CDH19: variants seen among roughly 807,000 people sequenced by gnomAD.
The protein encoded by CDH19 is cadherin-19.
A neutral mutation model predicts 64.2 loss-of-function variants in CDH19; 67 were observed. That is an observed-to-expected ratio of 1.04 (90% CI 0.86 to 1.28). The LOEUF (loss-of-function observed/expected upper bound fraction) is 1.28, where lower values mean the gene tolerates loss of function less well. Ranked by LOEUF, CDH19 falls within the 50% of genes most tolerant of loss-of-function variation. The probability of loss-of-function intolerance (pLI) is 0.00; values close to 1 mark genes in which losing one functional copy is unlikely to be tolerated. For synonymous variants in CDH19, 346 were observed against 319.3 expected (o/e 1.08, Z -0.89); for missense variants, 1,030 against 929.0 (o/e 1.11, Z -1.41).
intron 1 of CDH19, among the ~76,000 whole-genome samples, chr18:66,585,809 A>AT (rs1319810928): frequency 6.6e-6 from 1 of 151,858 alleles, no homozygotes; most frequent in African/African-American, 2.4e-5. Context: ...GAATGTCATT[A>AT]TTTTTTTTCT....
At chr18:66,574,219 T>C (rs1243185291) in intron 1 of CDH19, among the ~76,000 whole-genome samples, 1 of 151,640 alleles carries the variant, frequency 6.6e-6, no homozygotes, top group African/African-American at 2.4e-5. Context: ...TGTTGTGTGA[T>C]TCAGTATGTT....
intron 5 of CDH19, among the ~76,000 whole-genome samples, chr18:66,545,267 C>T (rs760359243): frequency 4.6e-5 from 7 of 152,014 alleles, no homozygotes; most frequent in Non-Finnish European, 4.4e-5. Flanking sequence ...TGTGAGCCAC[C>T]GTGCCGGGTC....
At chr18:66,594,995 T>TA (rs1336720739) in intron 1 of CDH19, among the ~76,000 whole-genome samples, 5 of 149,404 alleles carry the variant, frequency 3.3e-5, no homozygotes, top group Non-Finnish European at 7.4e-5. Flanking sequence ...CCCTAAAACT[T>TA]AAAGTATAAT....
At chr18:66,585,018 C>A (rs1313880063) in intron 1 of CDH19, among the ~76,000 whole-genome samples, 1 of 151,950 alleles carries the variant, frequency 6.6e-6, no homozygotes, top group Non-Finnish European at 1.5e-5. Flanking sequence ...AATCCATTCA[C>A]TGGGAGGAGG....
At chr18:66,562,537 G>A (rs1256918386) in intron 3 of CDH19, among the ~76,000 whole-genome samples, 1 of 152,026 alleles carries the variant, frequency 6.6e-6, no homozygotes, top group Non-Finnish European at 1.5e-5. Flanking sequence ...CTGCTGTGCA[G>A]CCCGGTTCCT....
At chr18:66,521,952 T>A (rs1986010271) in intron 9 of CDH19, among the ~76,000 whole-genome samples, 1 of 151,166 alleles carries the variant, frequency 6.6e-6, no homozygotes, top group Non-Finnish European at 1.5e-5. Context: ...GTTGTTGTTG[T>A]TGTTGTTGTT....
At chr18:66,559,554 TTAA>T (rs1466147044) in intron 3 of CDH19, among the ~76,000 whole-genome samples, 6 of 151,756 alleles carry the variant, frequency 4.0e-5, no homozygotes, top group East Asian at 1.9e-4. Flanking sequence ...ATAATTAAAG[TTAA>T]TAATATTTTC....
chr18:66,553,701 GA>G (rs199691272), intron 4 of CDH19, among the ~76,000 whole-genome samples: 1 of 131,678 alleles, frequency 7.6e-6, no homozygotes, highest in East Asian at 1.9e-4. Context: ...TCTTCTAAAG[GA>G]AAAAAAATTA....
At chr18:66,521,124 G>A (rs526717) in intron 9 of CDH19, among the ~76,000 whole-genome samples, 150,444 of 152,226 alleles carry the variant, frequency 0.99, 74,370 homozygotes, top group Middle Eastern at 1. Context: ...CTATGAATCA[G>A]TTTACTAAAA....
chr18:66,510,640 CT>C (rs1403911190), intron 10 of CDH19, among the ~76,000 whole-genome samples: 1 of 148,378 alleles, frequency 6.7e-6, no homozygotes, highest in Non-Finnish European at 1.5e-5. Context: ...CATGTACCCC[CT>C]GAATCTAAGA....
At chr18:66,591,745 C>G (rs576084597) in intron 1 of CDH19, among the ~76,000 whole-genome samples, 2 of 151,780 alleles carry the variant, frequency 1.3e-5, no homozygotes, top group Admixed American at 6.6e-5. Context: ...ATGGAAAAAA[C>G]ATTCCTGAAA....
intron 6 of CDH19, 146 bp downstream of exon 6, chr18:66,544,573 A>G: frequency 1.8e-6 from 1 of 571,308 alleles, no homozygotes; most frequent in Non-Finnish European, 2.9e-6. Flanking sequence ...TAACTCTCTC[A>G]TCTCTAAAAT....
chr18:66,596,082 A>G (rs531650164), intron 1 of CDH19: 2 of 152,288 alleles, frequency 1.3e-5, no homozygotes, highest in East Asian at 3.9e-4. Flanking sequence ...ATGTCCATAC[A>G]CACAGAAAAG....
At chr18:66,569,597 A>T (rs1988035003) in intron 2 of CDH19, among the ~76,000 whole-genome samples, 1 of 151,704 alleles carries the variant, frequency 6.6e-6, no homozygotes, top group Non-Finnish European at 1.5e-5. Flanking sequence ...AAAGTAAATT[A>T]GTTCATCATT....
At chr18:66,532,105 T>C (rs910949056) in intron 8 of CDH19, among the ~76,000 whole-genome samples, 10 of 152,030 alleles carry the variant, frequency 6.6e-5, no homozygotes, top group African/African-American at 2.2e-4. Flanking sequence ...TAGCTGAAAC[T>C]ACAGGCACAT....
chr18:66,522,708 T>C (rs1412680606), intron 9 of CDH19, among the ~76,000 whole-genome samples: 1 of 151,510 alleles, frequency 6.6e-6, no homozygotes, highest in Non-Finnish European at 1.5e-5. Flanking sequence ...TGTTTCATAT[T>C]AATTCGAACA....
intron 5 of CDH19, among the ~76,000 whole-genome samples, chr18:66,547,742 A>G (rs1987177719): frequency 8.1e-6 from 1 of 123,518 alleles, no homozygotes; most frequent in African/African-American, 3.4e-5. Flanking sequence ...ATCTCGGCTC[A>G]CTGCAAGCTC....
At chr18:66,567,313 A>G (rs1038738740) in intron 3 of CDH19, among the ~76,000 whole-genome samples, 1 of 151,300 alleles carries the variant, frequency 6.6e-6, no homozygotes, top group African/African-American at 2.4e-5. Flanking sequence ...AGAGGGAATA[A>G]GGAGACAGAG....
chr18:66,547,101 G>A (rs537995451), intron 5 of CDH19, among the ~76,000 whole-genome samples: 55 of 152,242 alleles, frequency 3.6e-4, no homozygotes, highest in African/African-American at 1.3e-3. Flanking sequence ...AATGGTGTAA[G>A]CAAAGAGACT....
Sources: allele counts gnomAD v4.1 joint callset (sites outside exome capture counted in the v4.1 genomes callset), GRCh38; gene constraint gnomAD v4.1.1; transcripts MANE v1.5; gene names NCBI Gene and HGNC (gene_info 2026-07-23, HGNC 2026-07-21).